The following SGIP1 variants were observed in gnomAD, a reference collection of about 807,000 sequenced individuals.
The protein encoded by SGIP1 is SH3GL interacting endocytic adaptor 1, also known as SH3-containing GRB2-like protein 3-interacting protein 1.
SGIP1 carries 38 observed loss-of-function variants against 107.5 expected under a neutral mutation model. That is an observed-to-expected ratio of 0.35 (90% CI 0.27 to 0.46). SGIP1 has a LOEUF of 0.46. Ranked by LOEUF, SGIP1 falls within the 20% of genes least tolerant of loss-of-function variation. SGIP1 has a pLI of 1.00. For synonymous variants in SGIP1, 365 were observed against 366.1 expected, an observed-to-expected ratio of 1.00 and a Z score of 0.03; for missense variants, 929 against 1,019.5, an observed-to-expected ratio of 0.91 and a Z score of 1.21.
At chr1:66,735,416 T>C (rs1441726763) in intron 21 of SGIP1, among the ~76,000 whole-genome samples, 1 of 151,284 alleles carries the variant, frequency 6.6e-6, no homozygotes, top group African/African-American at 2.4e-5. Context: ...GGTTTCACCA[T>C]GTTGGCCAGG....
At chr1:66,589,194 A>ATGTGTG (rs1227066875) in intron 1 of SGIP1, among the ~76,000 whole-genome samples, 2 of 66,480 alleles carry the variant, frequency 3.0e-5, no homozygotes, top group Non-Finnish European at 3.1e-5. Context: ...ATATATATAT[A>ATGTGTG]TATATATATA....
rs764080079 is a variant in SGIP1 at position 66,742,460 on chromosome 1, C to CTTTTTT, written c.2465-591_2465-586dup. On this transcript the variant is annotated intron_variant, in intron 24 of 24. Transcript: ENST00000371037. ...AATATAAGTTATATGAGCACCCTTT[C>CTTTTTT]TTTTTTTTTTTTTTTTTTTTTTTTT... Among the ~76,000 whole-genome samples the CTTTTTT allele has an allele frequency of 2.0e-4, 9 of 45,110 alleles. 1 individual carries two copies. Among genetic ancestry groups the CTTTTTT allele is most frequent in the African/African-American group, 4.9e-4 (5 of 10,164 alleles). 29.6% of individuals were successfully genotyped at this position (45,110 alleles called of 152,430 possible).
chr1:66,664,341 A>G (rs1233876134), intron 8 of SGIP1, among the ~76,000 whole-genome samples: 1 of 152,170 alleles, frequency 6.6e-6, no homozygotes, highest in African/African-American at 2.4e-5. Context: ...GGCAAATAAT[A>G]AAGTCTATAA....
intron 12 of SGIP1, among the ~76,000 whole-genome samples, chr1:66,675,436 T>C (rs1333726887): frequency 2.0e-5 from 3 of 152,134 alleles, no homozygotes; most frequent in African/African-American, 7.2e-5. Flanking sequence ...CACTAGCTTT[T>C]TCGATACCCA....
chr1:66,676,211 A>G (rs2085291753), intron 12 of SGIP1, among the ~76,000 whole-genome samples: 2 of 152,240 alleles, frequency 1.3e-5, no homozygotes, highest in African/African-American at 4.8e-5. Flanking sequence ...TCCTACGGTC[A>G]GTGCAGAGGA....
chr1:66,683,870 C>T (rs1260987987), intron 15 of SGIP1, among the ~76,000 whole-genome samples: 2 of 151,540 alleles, frequency 1.3e-5, no homozygotes, highest in Non-Finnish European at 2.9e-5. Context: ...GACCCAGCTA[C>T]TTTTTTTCAG....
In SGIP1 at chr1:66,729,434, G is replaced by C; in HGVS notation, c.1898+15G>C. On this transcript the variant is annotated intron_variant, in intron 20 of 24. Transcript: ENST00000371037. Reference sequence around the variant, plus strand: ...CTTCTCTGCTGGTAAATATGATTTTGCATAAATTTTTCAGAGATACATGTG... The same window carrying C: ...CTTCTCTGCTGGTAAATATGATTTTCCATAAATTTTTCAGAGATACATGTG... 1 of 1,613,856 alleles carries C rather than the reference G, an allele frequency of 6.2e-7. No homozygotes were observed. Among genetic ancestry groups the C allele is most frequent in the Non-Finnish European group, 8.5e-7 (1 of 1,179,864 alleles).
At chr1:66,674,542 G>A (rs1006702445) in intron 12 of SGIP1, among the ~76,000 whole-genome samples, 3 of 152,108 alleles carry the variant, frequency 2.0e-5, no homozygotes, top group African/African-American at 4.8e-5. Flanking sequence ...GAAGCATAGT[G>A]GGTAGACTAA....
chr1:66,534,334 A>G lies in SGIP1; in HGVS notation c.-25A>G. On this transcript the variant is annotated 5_prime_UTR_variant, in exon 1 of 25. Coordinates refer to ENST00000371037, the MANE Select transcript of SGIP1 (RefSeq NM_032291.4). The stretch of plus-strand genomic sequence containing the variant: ...CCTGTGTTTTTTCAGACTCCTTGGA[A>G]ATTAAGGAATGCAATTCTGCCACCA... 1.2e-6 allele frequency: 2 copies of G among 1,613,948 alleles called. No individual in the cohort carries two copies. The highest frequency in any genetic ancestry group is 1.7e-6 in the Non-Finnish European group (2 of 1,179,874).
Position 66,733,810 on chromosome 1 carries a change from C to T in SGIP1, c.1961C>T (p.Thr654Ile). The T allele has an allele frequency of 5.6e-6, 9 of 1,613,564 alleles. No individual in the cohort carries two copies. The highest frequency in any genetic ancestry group is 7.6e-6 in the Non-Finnish European group (9 of 1,179,726). Residue 654 changes from threonine to isoleucine, a missense_variant, in exon 21 of 25, where the codon ACT becomes ATT. Transcript: ENST00000371037. ...TGGGTAAACATGCCAAATTTGATGA[C>T]TCACCTAAAGAAAGTGTCTGAACAA... ...EFWVNMPNLMTHLKKVSEQKP... is the reference protein window; with the variant it reads ...EFWVNMPNLMIHLKKVSEQKP...
intron 18 of SGIP1, among the ~76,000 whole-genome samples, chr1:66,698,667 G>A (rs1031925987): frequency 2.0e-5 from 3 of 151,894 alleles, no homozygotes; most frequent in South Asian, 2.1e-4. Flanking sequence ...CGTGAGCCAC[G>A]GCGCCCGGCC....
chr1:66,657,166 A>T (rs769517642), intron 7 of SGIP1, among the ~76,000 whole-genome samples: 3 of 152,068 alleles, frequency 2.0e-5, no homozygotes, highest in African/African-American at 4.8e-5. Flanking sequence ...ATAAAACTAG[A>T]CCCTATCTCT....
intron 24 of SGIP1, among the ~76,000 whole-genome samples, chr1:66,742,015 C>A (rs904190569): frequency 6.6e-6 from 1 of 152,138 alleles, no homozygotes; most frequent in African/African-American, 2.4e-5. Flanking sequence ...ATCCGCCTGC[C>A]TCGGCCTCCT....
At chr1:66,737,814 T>TTTG (rs1241616310) in intron 21 of SGIP1, among the ~76,000 whole-genome samples, 8 of 152,226 alleles carry the variant, frequency 5.3e-5, no homozygotes, top group Non-Finnish European at 1.2e-4. Flanking sequence ...TAGCTGTGTT[T>TTTG]TTGTTGTTGT....
In SGIP1 at chr1:66,673,329, A is replaced by C; in HGVS notation, c.609A>C (p.Pro203=). Residue 203 remains proline (P), a synonymous_variant, in exon 12 of 25, where the codon CCA becomes CCC. Transcript: ENST00000371037. ...DTTALAPLFG[P]PLESAFDEQK... ...CGGCCCTTGCTCCTCTCTTTGGCCC[A>C]CCACTAGAATCAGCTTTTGATGAAC... is the stretch of plus-strand genomic sequence containing the variant. 1 of 1,613,032 alleles carries C rather than the reference A, an allele frequency of 6.2e-7. No individual in the cohort carries two copies. Among genetic ancestry groups the C allele is most frequent in the Non-Finnish European group, 8.5e-7 (1 of 1,179,780 alleles).
intron 9 of SGIP1, among the ~76,000 whole-genome samples, chr1:66,670,601 A>C (rs987352916): frequency 6.6e-6 from 1 of 152,240 alleles, no homozygotes; most frequent in Non-Finnish European, 1.5e-5. Context: ...GGCAAGGAGC[A>C]TGCACTACTC....
chr1:66,650,239 G>C (rs1408895045), intron 7 of SGIP1, among the ~76,000 whole-genome samples: 1 of 152,082 alleles, frequency 6.6e-6, no homozygotes, highest in Non-Finnish European at 1.5e-5. Context: ...TCCCTAAATT[G>C]TTTTGAGTAC....
chr1:66,634,613 G>T (rs1459852939), intron 3 of SGIP1, among the ~76,000 whole-genome samples: 1 of 152,162 alleles, frequency 6.6e-6, no homozygotes, highest in Non-Finnish European at 1.5e-5. Context: ...TTTATTAGCA[G>T]TTGTGCCCAC....
intron 4 of SGIP1, among the ~76,000 whole-genome samples, chr1:66,638,897 C>T (rs957286384): frequency 2.0e-5 from 3 of 152,164 alleles, no homozygotes; most frequent in African/African-American, 7.2e-5. Flanking sequence ...CAGTGACATA[C>T]CCTTGCTCCA....
Sources: allele counts gnomAD v4.1 joint callset (sites outside exome capture counted in the v4.1 genomes callset), GRCh38; gene constraint gnomAD v4.1.1; transcripts MANE v1.5; gene names NCBI Gene and HGNC (gene_info 2026-07-23, HGNC 2026-07-21).